CENPQ: variants seen among roughly 807,000 people sequenced by gnomAD.
CENPQ encodes the protein chromosome 6 open reading frame 139.
Under a neutral mutation model 36.6 loss-of-function variants are expected in CENPQ, and 27 were observed. That is an observed-to-expected ratio of 0.74 (90% CI 0.54 to 1.02). CENPQ has a LOEUF of 1.02. CENPQ is among the 50% of genes least tolerant of loss of function. The pLI is 0.00. For missense variants in CENPQ, 306 were observed against 301.8 expected, an observed-to-expected ratio of 1.01 and a Z score of -0.10; for synonymous variants, 101 against 101.7, an observed-to-expected ratio of 0.99 and a Z score of 0.04.
intron 6 of CENPQ, among the ~76,000 whole-genome samples, chr6:49,487,468 A>AAAAAAAAAAAAAAAAAT (rs1768618462): frequency 3.3e-5 from 5 of 150,882 alleles, no homozygotes; most frequent in Admixed American, 1.3e-4. Context: ...AAAAAAAAAA[A>AAAAAAAAAAAAAAAAAT]GTCATTTAGA....
At chr6:49,482,195 G>A (rs558012966) in intron 6 of CENPQ, among the ~76,000 whole-genome samples, 15 of 152,252 alleles carry the variant, frequency 9.9e-5, no homozygotes, top group African/African-American at 7.2e-5. Context: ...GTTCCCGCTC[G>A]CACCTCTCCC....
At chr6:49,478,532 T>G (rs1581850095) in intron 5 of CENPQ, among the ~76,000 whole-genome samples, 1 of 152,168 alleles carries the variant, frequency 6.6e-6, no homozygotes, top group Non-Finnish European at 1.5e-5. Context: ...CAGTTCTTAC[T>G]AGATTACAGC....
Position 49,468,873 on chromosome 6 carries a change from C to A in CENPQ, c.-18-1286C>A, listed in dbSNP as rs540803055. Among the ~76,000 whole-genome samples, 122 of 152,176 alleles carry A rather than the reference C, an allele frequency of 8.0e-4. 1 individual carries two copies. The highest frequency in any genetic ancestry group is 2.5e-3 in the African/African-American group (103 of 41,526). On this transcript the variant is annotated intron_variant, in intron 1 of 8. Coordinates refer to ENST00000335783, the MANE Select transcript of CENPQ (RefSeq NM_018132.4). ...CAACTTGAACTATTGTACATGTCAG[C>A]CCTTCCAGGAGAGATCTACAAGTGA... is the stretch of plus-strand genomic sequence containing the variant.
intron 2 of CENPQ, among the ~76,000 whole-genome samples, 165 bp from the exon 3 acceptor site, chr6:49,470,809 A>G (rs184949102): frequency 6.6e-6 from 1 of 152,256 alleles, no homozygotes; most frequent in African/African-American, 2.4e-5. Context: ...CCTCTCTGTG[A>G]TAAATATACA....
Position 49,470,144 on chromosome 6 carries a change from T to TC in CENPQ, c.-18-15_-18-14insC. On this transcript the variant is annotated splice_polypyrimidine_tract_variant and intron_variant, in intron 1 of 8. Coordinates refer to ENST00000335783, the MANE Select transcript of CENPQ (RefSeq NM_018132.4). ...GTATTATTTTCATCTTTACAGATTT[T>TC]TTTTTTTTTCGAAGCACTGTGTTTA... The TC allele has an allele frequency of 8.3e-7, 1 of 1,199,326 alleles. No individual in the cohort carries two copies. Among genetic ancestry groups the TC allele is most frequent in the Non-Finnish European group, 1.2e-6 (1 of 837,212 alleles). The allele number at this position is 1,199,326 out of a possible 1,614,324, so 74.3% of individuals were successfully genotyped here.
At chr6:49,490,692 C>A (rs906907996) in intron 8 of CENPQ, among the ~76,000 whole-genome samples, 3 of 152,176 alleles carry the variant, frequency 2.0e-5, no homozygotes, top group African/African-American at 7.2e-5. Flanking sequence ...AGACATGATT[C>A]TTCTTTTCAC....
At chr6:49,490,610 T>C (rs1012699319) in intron 8 of CENPQ, among the ~76,000 whole-genome samples, 2 of 152,216 alleles carry the variant, frequency 1.3e-5, no homozygotes, top group African/African-American at 2.4e-5. Flanking sequence ...AGGCCTAGCT[T>C]TTGGTTTGCG....
At chr6:49,488,540 C>A in intron 7 of CENPQ, 67 bp from the exon 8 acceptor site, 1 of 1,593,634 alleles carries the variant, frequency 6.3e-7, no homozygotes, top group South Asian at 1.1e-5. Context: ...GCAAAGATAA[C>A]TTTCGAGTAT....
At chr6:49,483,511 T>C (rs1249943556) in intron 6 of CENPQ, among the ~76,000 whole-genome samples, 1 of 152,036 alleles carries the variant, frequency 6.6e-6, no homozygotes, top group Non-Finnish European at 1.5e-5. Flanking sequence ...ACAGGAACCC[T>C]CTGAGGGGGG....
intron 2 of CENPQ, 47 bp downstream of exon 2, chr6:49,470,325 C>A: frequency 2.5e-6 from 3 of 1,221,882 alleles, no homozygotes; most frequent in East Asian, 2.5e-5. Flanking sequence ...CAACTGTGGC[C>A]AAGCACTATG....
At position 49,464,747 on chromosome 6, in the gene CENPQ, G is replaced by A. The variant is rs1252159789; in HGVS notation, c.-19+1294G>A. On this transcript the variant is annotated intron_variant, in intron 1 of 8. Coordinates refer to ENST00000335783, the MANE Select transcript of CENPQ (RefSeq NM_018132.4). ...CCACTAGTTTTATCATGAGATTGCA[G>A]CAATTCAGGTACATCTTCAGGCTCC... is the stretch of plus-strand genomic sequence containing the variant. Among the ~76,000 whole-genome samples, 3 of 152,204 alleles carry A rather than the reference G, an allele frequency of 2.0e-5. No individual in the cohort carries two copies. The East Asian group carries it at 5.8e-4, about 29-fold the overall frequency.
chr6:49,475,887 AAGG>A (rs371033307), intron 5 of CENPQ, among the ~76,000 whole-genome samples: 53,677 of 151,316 alleles, frequency 0.35, 9,532 homozygotes, highest in African/African-American at 0.39. Context: ...GGACCTCTTC[AAGG>A]AGAACTACAA....
At chr6:49,467,031 C>G (rs1768018373) in intron 1 of CENPQ, among the ~76,000 whole-genome samples, 1 of 152,188 alleles carries the variant, frequency 6.6e-6, no homozygotes, top group African/African-American at 2.4e-5. Context: ...ATTCTAGCAT[C>G]TGACGGTCTA....
intron 6 of CENPQ, among the ~76,000 whole-genome samples, chr6:49,487,873 T>C (rs1314305248): frequency 6.6e-6 from 1 of 152,212 alleles, no homozygotes; most frequent in Non-Finnish European, 1.5e-5. Flanking sequence ...ACTCTTTTTT[T>C]TTATTCTCCC....
intron 8 of CENPQ, 129 bp from the exon 9 acceptor site, chr6:49,492,015 G>T (rs768795144): frequency 7.4e-6 from 5 of 676,358 alleles, no homozygotes; most frequent in Non-Finnish European, 1.2e-5. Flanking sequence ...GAAGAATGGC[G>T]ATTCGTTGAC....
chr6:49,470,114 T>G (rs1323103410), intron 1 of CENPQ, 45 bp from the exon 2 acceptor site: 1 of 876,096 alleles, frequency 1.1e-6, no homozygotes, highest in Non-Finnish European at 1.8e-6. Flanking sequence ...GCTTTAGCTT[T>G]TTTTGTATTA....
intron 1 of CENPQ, among the ~76,000 whole-genome samples, chr6:49,468,866 A>G (rs1384486752): frequency 1.3e-5 from 2 of 152,124 alleles, no homozygotes; most frequent in East Asian, 3.9e-4. Flanking sequence ...ACTATTGTAC[A>G]TGTCAGCCCT....
intron 8 of CENPQ, among the ~76,000 whole-genome samples, chr6:49,490,692 C>G (rs906907996): frequency 1.1e-4 from 17 of 152,176 alleles, no homozygotes; most frequent in African/African-American, 3.6e-4. Context: ...AGACATGATT[C>G]TTCTTTTCAC....
At chr6:49,474,451 G>A (rs1254311951) in intron 5 of CENPQ, among the ~76,000 whole-genome samples, 3 of 152,102 alleles carry the variant, frequency 2.0e-5, no homozygotes, top group Admixed American at 2.0e-4. Flanking sequence ...CAGAAATAAA[G>A]ATGTTCTTTG....
Sources: gnomAD v4.1 joint callset for allele counts (sites outside exome capture counted in the v4.1 genomes callset) on GRCh38, gnomAD v4.1.1 for gene constraint, MANE v1.5 for transcripts, NCBI Gene and HGNC (gene_info 2026-07-23, HGNC 2026-07-21) for gene names.